GTF2IRD1: variants seen among roughly 807,000 people sequenced by gnomAD.
The protein encoded by GTF2IRD1 is general transcription factor II-I repeat domain-containing protein 1.
Under a neutral mutation model 113.2 loss-of-function variants are expected in GTF2IRD1, and 26 were observed. The ratio of observed to expected loss-of-function variants is 0.23; its 90% confidence interval spans 0.17 to 0.32. The LOEUF (loss-of-function observed/expected upper bound fraction) is 0.32, where lower values mean the gene tolerates loss of function less well. Ranked by LOEUF, GTF2IRD1 falls within the 10% of genes least tolerant of loss-of-function variation. GTF2IRD1 has a pLI of 1.00. For synonymous variants in GTF2IRD1, 484 were observed against 529.1 expected (o/e 0.91, Z 1.17); for missense variants, 864 against 1,280.8 (o/e 0.67, Z 4.97).
chr7:74,558,275 G>A (rs1321673161), intron 20 of GTF2IRD1, among the ~76,000 whole-genome samples: 15 of 109,846 alleles, frequency 1.4e-4, no homozygotes, highest in African/African-American at 4.6e-4. Flanking sequence ...GCGAAACTCC[G>A]TCTCAAAAAA....
intron 16 of GTF2IRD1, among the ~76,000 whole-genome samples, chr7:74,546,660 C>G (rs1386650261): frequency 1.1e-4 from 16 of 152,308 alleles, no homozygotes; most frequent in African/African-American, 3.8e-4. Context: ...CGGGTTCGTT[C>G]CAAGGCGTGG....
At chr7:74,504,705 C>CTTTT (rs561437934) in intron 1 of GTF2IRD1, among the ~76,000 whole-genome samples, 3 of 116,156 alleles carry the variant, frequency 2.6e-5, no homozygotes, top group Non-Finnish European at 3.6e-5. Flanking sequence ...AGAATTTTTA[C>CTTTT]TTTTTTTTTT....
chr7:74,579,596 C>A (rs111994223), intron 22 of GTF2IRD1, among the ~76,000 whole-genome samples: 21,827 of 148,310 alleles, frequency 0.15, 1,706 homozygotes, highest in Middle Eastern at 0.22. Context: ...CCACCCTGAG[C>A]GACAGAGCAA....
At chr7:74,548,014 A>G (rs1387284275) in intron 17 of GTF2IRD1, among the ~76,000 whole-genome samples, 1 of 152,158 alleles carries the variant, frequency 6.6e-6, no homozygotes, top group African/African-American at 2.4e-5. Flanking sequence ...GGGAAGGACC[A>G]GCAGTGGCTT....
intron 22 of GTF2IRD1, among the ~76,000 whole-genome samples, chr7:74,567,190 T>C (rs1241701091): frequency 1.3e-5 from 2 of 151,838 alleles, no homozygotes; most frequent in Non-Finnish European, 2.9e-5. Flanking sequence ...TCGCTGGGCA[T>C]GGTGGCGCAT....
intron 22 of GTF2IRD1, among the ~76,000 whole-genome samples, chr7:74,574,546 C>T (rs1554363816): frequency 1.3e-5 from 2 of 151,068 alleles, no homozygotes; most frequent in African/African-American, 4.9e-5. Context: ...GCATCCTCGA[C>T]CTCCCTAAGC....
intron 1 of GTF2IRD1, among the ~76,000 whole-genome samples, chr7:74,486,335 C>T (rs545267884): frequency 2.0e-5 from 3 of 152,286 alleles, no homozygotes; most frequent in South Asian, 2.1e-4. Context: ...GTGGTCCAGC[C>T]GCAGGCAGCT....
At chr7:74,578,091 C>T (rs587761157) in intron 22 of GTF2IRD1, among the ~76,000 whole-genome samples, 1 of 152,294 alleles carries the variant, frequency 6.6e-6, no homozygotes, top group South Asian at 2.1e-4. Context: ...AGGTGTGAGC[C>T]ACCACGCCAG....
At chr7:74,510,941 C>G (rs10281503) in intron 2 of GTF2IRD1, among the ~76,000 whole-genome samples, 15,454 of 151,450 alleles carry the variant, frequency 0.1, 1,942 homozygotes, top group East Asian at 0.39. Context: ...CCTAGCTATT[C>G]GGGAGGCCGA....
chr7:74,466,846 T>C (rs1793746944), intron 1 of GTF2IRD1, among the ~76,000 whole-genome samples: 1 of 151,990 alleles, frequency 6.6e-6, no homozygotes, highest in African/African-American at 2.4e-5. Context: ...CTTAGCACCC[T>C]GCCTGTTGCG....
At chr7:74,550,424 AG>A (rs1278142234) in intron 17 of GTF2IRD1, among the ~76,000 whole-genome samples, 1 of 123,738 alleles carries the variant, frequency 8.1e-6, no homozygotes, top group Admixed American at 7.9e-5. Context: ...CCCCATCTCT[AG>A]GGAAAAAAAA....
intron 24 of GTF2IRD1, among the ~76,000 whole-genome samples, chr7:74,594,739 G>A (rs1388790938): frequency 6.6e-6 from 1 of 152,020 alleles, no homozygotes; most frequent in Non-Finnish European, 1.5e-5. Context: ...ATCACCTGAG[G>A]TCAGGAGTTC....
chr7:74,498,658 C>T (rs1194239615), intron 1 of GTF2IRD1, among the ~76,000 whole-genome samples: 1 of 151,906 alleles, frequency 6.6e-6, no homozygotes, highest in East Asian at 1.9e-4. Context: ...TAGGTAACCC[C>T]TTTCCCCATT....
intron 22 of GTF2IRD1, among the ~76,000 whole-genome samples, chr7:74,579,309 AT>A (rs1360419666): frequency 6.6e-6 from 1 of 151,908 alleles, no homozygotes; most frequent in Non-Finnish European, 1.5e-5. Context: ...CTAAAAAAAA[AT>A]TTTTTTTGAA....
chr7:74,476,366 C>CTTTTTTTTTTTTTTTTTT lies in GTF2IRD1; in HGVS notation c.-7+22201_-7+22202insTTTTTTTTTTTTTTTTTT, dbSNP rs61151844. ...CCCGCTTGGAAGCCTTCTGAACCTC[C>CTTTTTTTTTTTTTTTTTT]TTTTTTTTTTTCTTTTGAGACGGAG... On this transcript the variant is annotated intron_variant, in intron 1 of 26. Transcript: ENST00000424337. Among the ~76,000 whole-genome samples the CTTTTTTTTTTTTTTTTTT allele has an allele frequency of 7.4e-5, 9 of 122,162 alleles. 2 individuals are homozygous for CTTTTTTTTTTTTTTTTTT. Among genetic ancestry groups the CTTTTTTTTTTTTTTTTTT allele is most frequent in the African/African-American group, 2.0e-4 (6 of 30,512 alleles). 80.1% of individuals were successfully genotyped at this position (122,162 alleles called of 152,430 possible). A position where few individuals can be genotyped will look rare whatever the true frequency, so the allele number is the denominator to read the frequency against.
rs564691810 is a variant in GTF2IRD1 at position 74,488,152 on chromosome 7, C to T, written c.-6-19923C>T. Among the ~76,000 whole-genome samples the T allele has an allele frequency of 1.4e-4, 21 of 152,192 alleles. No individual in the cohort carries two copies. In the South Asian group the frequency reaches 4.4e-3, roughly 32 times the overall value. On this transcript the variant is annotated intron_variant, in intron 1 of 26. Transcript: ENST00000424337. The stretch of plus-strand genomic sequence containing the variant: ...ATAAAAACTTAGCTGGGTGTGGCGA[C>T]ACACGCTGTGGTCCCAGCTACTCAG...
At chr7:74,601,427 G>A (rs1305977144) in intron 26 of GTF2IRD1, 9 of 1,470,888 alleles carry the variant, frequency 6.1e-6, no homozygotes, top group Middle Eastern at 4.9e-4. Flanking sequence ...CAGATGGGCC[G>A]GCTGAGGTCC....
intron 7 of GTF2IRD1, among the ~76,000 whole-genome samples, chr7:74,523,018 C>T (rs1158999043): frequency 5.3e-5 from 8 of 152,096 alleles, no homozygotes; most frequent in Non-Finnish European, 1.2e-4. Context: ...CTGAGTGAGA[C>T]CTCAGATGTA....
intron 4 of GTF2IRD1, among the ~76,000 whole-genome samples, chr7:74,516,152 A>G (rs782184354): frequency 6.6e-6 from 1 of 152,174 alleles, no homozygotes; most frequent in Non-Finnish European, 1.5e-5. Context: ...GCGCTGTTAC[A>G]TCTTTTGAGA....
Sources: gnomAD v4.1 joint callset for allele counts (sites outside exome capture counted in the v4.1 genomes callset) on GRCh38, gnomAD v4.1.1 for gene constraint, MANE v1.5 for transcripts, NCBI Gene and HGNC (gene_info 2026-07-23, HGNC 2026-07-21) for gene names.